The following RBMS3 variants were observed in gnomAD, a reference collection of about 807,000 sequenced individuals.
RBMS3 encodes the protein RNA-binding motif, single-stranded-interacting protein 3.
Under a neutral mutation model 66.8 loss-of-function variants are expected in RBMS3, and 27 were observed. That is an observed-to-expected ratio of 0.40 (90% confidence interval 0.30 to 0.56). The LOEUF is 0.56. RBMS3 is among the 20% of genes least tolerant of loss of function. The probability of loss-of-function intolerance (pLI) is 0.40; values close to 1 mark genes in which losing one functional copy is unlikely to be tolerated. For missense variants in RBMS3, 513 were observed against 549.5 expected, an observed-to-expected ratio of 0.93 and a Z score of 0.66; for synonymous variants, 188 against 183.0, an observed-to-expected ratio of 1.03 and a Z score of -0.22.
intron 6 of RBMS3, among the ~76,000 whole-genome samples, chr3:29,786,776 C>G (rs538966127): frequency 4.1e-4 from 62 of 152,176 alleles, no homozygotes; most frequent in African/African-American, 1.3e-3. Flanking sequence ...TAGACATTGG[C>G]TTAGGCAAGT....
At chr3:29,738,525 G>A (rs1295831467) in intron 4 of RBMS3, among the ~76,000 whole-genome samples, 1 of 152,154 alleles carries the variant, frequency 6.6e-6, no homozygotes, top group Non-Finnish European at 1.5e-5. Context: ...ATTGTGGTTT[G>A]GTTTCCCATT....
chr3:29,575,771 T>G (rs2047098689), intron 3 of RBMS3, among the ~76,000 whole-genome samples: 1 of 152,054 alleles, frequency 6.6e-6, no homozygotes, highest in Non-Finnish European at 1.5e-5. Context: ...CTTGATCAGT[T>G]TTACTATTGA....
intron 1 of RBMS3, among the ~76,000 whole-genome samples, chr3:29,352,615 G>A (rs2036981263): frequency 6.6e-6 from 1 of 151,960 alleles, no homozygotes; most frequent in Non-Finnish European, 1.5e-5. Flanking sequence ...TTTCTAGCTA[G>A]GTTGAAATAT....
At chr3:29,283,602 T>G (rs1026599425) in intron 1 of RBMS3, among the ~76,000 whole-genome samples, 4 of 152,152 alleles carry the variant, frequency 2.6e-5, no homozygotes, top group Non-Finnish European at 4.4e-5. Context: ...ACAGGCGGCA[T>G]CTGGATCTTG....
chr3:29,629,519 T>C (rs1489193768), intron 4 of RBMS3, among the ~76,000 whole-genome samples: 1 of 152,090 alleles, frequency 6.6e-6, no homozygotes, highest in Non-Finnish European at 1.5e-5. Context: ...CTGCTAAAAT[T>C]GGTAAAAATG....
At chr3:29,976,626 A>G (rs1430354731) in intron 12 of RBMS3, among the ~76,000 whole-genome samples, 1 of 152,036 alleles carries the variant, frequency 6.6e-6, no homozygotes, top group African/African-American at 2.4e-5. Flanking sequence ...GCTCAAGGAA[A>G]ATATCTCAAG....
In RBMS3 at chr3:30,009,709, C is replaced by T. The variant is rs1309957165; in HGVS notation, c.*5847C>T. On this transcript the variant is annotated 3_prime_UTR_variant, in exon 15 of 15. Coordinates refer to ENST00000383767, the MANE Select transcript of RBMS3 (RefSeq NM_001003793.3). ...CATTGTTTTCATTACATTTTGACTG[C>T]GTTACTTATTAAGGCCGAATGACTT... is the stretch of plus-strand genomic sequence containing the variant. 2.0e-5 allele frequency: 3 copies of T among 152,182 alleles called. No homozygotes were observed. The highest frequency in any genetic ancestry group is 6.5e-5 in the Admixed American group (1 of 15,284). 9.4% of individuals were successfully genotyped at this position (152,182 alleles called of 1,614,324 possible).
chr3:29,816,311 G>GACACACACACACAC (rs66518208), intron 6 of RBMS3, among the ~76,000 whole-genome samples: 3 of 69,100 alleles, frequency 4.3e-5, no homozygotes, highest in Admixed American at 1.5e-4. Context: ...GACACACACA[G>GACACACACACACAC]ACACACACAC....
chr3:29,862,629 T>A (rs903252847), intron 6 of RBMS3, among the ~76,000 whole-genome samples: 2 of 151,704 alleles, frequency 1.3e-5, no homozygotes, highest in African/African-American at 4.8e-5. Context: ...GCATGTGTGG[T>A]GGGGGCAGTT....
chr3:29,499,005 C>A (rs539927727), intron 3 of RBMS3, among the ~76,000 whole-genome samples: 6 of 152,140 alleles, frequency 3.9e-5, no homozygotes, highest in Admixed American at 1.3e-4. Flanking sequence ...TTTTTTAGGG[C>A]CTATAAACCT....
intron 6 of RBMS3, among the ~76,000 whole-genome samples, chr3:29,773,532 C>T (rs1014336836): frequency 1.3e-5 from 2 of 151,978 alleles, no homozygotes; most frequent in African/African-American, 4.8e-5. Context: ...AACAGTTGCA[C>T]TAGTTGACCC....
intron 12 of RBMS3, among the ~76,000 whole-genome samples, chr3:29,948,549 T>C (rs574148368): frequency 9.2e-5 from 14 of 151,808 alleles, no homozygotes; most frequent in Non-Finnish European, 1.9e-4. Flanking sequence ...CATGAGCTAA[T>C]TACAAATAAT....
At chr3:29,531,946 C>T (rs2045365488) in intron 3 of RBMS3, among the ~76,000 whole-genome samples, 1 of 151,922 alleles carries the variant, frequency 6.6e-6, no homozygotes, top group Non-Finnish European at 1.5e-5. Context: ...CATCTAGGAG[C>T]CTGACTGACT....
At chr3:29,293,821 G>T (rs2033022495) in intron 1 of RBMS3, among the ~76,000 whole-genome samples, 1 of 149,208 alleles carries the variant, frequency 6.7e-6, no homozygotes, top group Non-Finnish European at 1.5e-5. Flanking sequence ...TTGTCTCTCT[G>T]CCCTCTGATC....
At chr3:29,997,797 C>T (rs960163957) in intron 14 of RBMS3, among the ~76,000 whole-genome samples, 1 of 152,066 alleles carries the variant, frequency 6.6e-6, no homozygotes, top group Non-Finnish European at 1.5e-5. Flanking sequence ...CTATGACAAA[C>T]CCACAGCCAA....
At chr3:29,295,285 A>C (rs2033152372) in intron 1 of RBMS3, among the ~76,000 whole-genome samples, 1 of 50,526 alleles carries the variant, frequency 2.0e-5, no homozygotes, top group African/African-American at 1.1e-4. Flanking sequence ...ATATATATAT[A>C]TATATATATA....
At chr3:29,648,263 ATTTTTTT>A (rs749839563) in intron 4 of RBMS3, among the ~76,000 whole-genome samples, 9 of 77,638 alleles carry the variant, frequency 1.2e-4, no homozygotes, top group South Asian at 1.0e-3. Context: ...GAAAATGTCT[ATTTTTTT>A]TTTTTTTTTT....
At chr3:29,975,557 CTATA>C (rs917532316) in intron 12 of RBMS3, among the ~76,000 whole-genome samples, 1 of 151,796 alleles carries the variant, frequency 6.6e-6, no homozygotes, top group African/African-American at 2.4e-5. Context: ...TTTACATCAA[CTATA>C]TATATAAATT....
intron 1 of RBMS3, among the ~76,000 whole-genome samples, chr3:29,342,570 C>T (rs895042899): frequency 1.3e-5 from 2 of 151,974 alleles, no homozygotes; most frequent in African/African-American, 4.8e-5. Flanking sequence ...AAGCTTGGAT[C>T]GTGAAAACAC....
Sources: gnomAD v4.1 joint callset for allele counts (sites outside exome capture counted in the v4.1 genomes callset) on GRCh38, gnomAD v4.1.1 for gene constraint, MANE v1.5 for transcripts, NCBI Gene and HGNC (gene_info 2026-07-23, HGNC 2026-07-21) for gene names.